The following DPP10 variants were observed in gnomAD, a reference collection of about 807,000 sequenced individuals.
The protein encoded by DPP10 is inactive dipeptidyl peptidase 10.
Under a neutral mutation model 120.9 loss-of-function variants are expected in DPP10, and 33 were observed. That is an observed-to-expected ratio of 0.27 (90% CI 0.21 to 0.37). The LOEUF is 0.37. Among genes scored for constraint, DPP10 ranks in the 10% least tolerant of loss-of-function variants. The pLI, the probability that DPP10 is intolerant of heterozygous loss-of-function variation, is 1.00. For synonymous variants in DPP10, 337 were observed against 326.1 expected, an observed-to-expected ratio of 1.03 and a Z score of -0.36; for missense variants, 816 against 942.8, an observed-to-expected ratio of 0.87 and a Z score of 1.76.
At chr2:114,822,744 G>A (rs189170774) in intron 1 of DPP10, among the ~76,000 whole-genome samples, 126 of 152,178 alleles carry the variant, frequency 8.3e-4, no homozygotes, top group Middle Eastern at 6.8e-3. Flanking sequence ...TCTTCTGCCA[G>A]ATACTCTAAA....
chr2:114,629,976 T>C (rs952085652), intron 1 of DPP10, among the ~76,000 whole-genome samples: 6 of 152,104 alleles, frequency 3.9e-5, no homozygotes, highest in African/African-American at 7.2e-5. Context: ...TTAATAAATA[T>C]ACAGTGTTAA....
intron 1 of DPP10, among the ~76,000 whole-genome samples, chr2:115,177,786 CAG>C (rs1458808094): frequency 5.0e-5 from 5 of 99,086 alleles, no homozygotes; most frequent in African/African-American, 8.3e-5. Flanking sequence ...TTGTTTGAGA[CAG>C]AGTCTTGCTC....
intron 1 of DPP10, among the ~76,000 whole-genome samples, chr2:114,497,829 G>A (rs1426154281): frequency 1.3e-5 from 2 of 152,088 alleles, no homozygotes; most frequent in African/African-American, 4.8e-5. Context: ...AAAAGTACAG[G>A]CACCCAACAA....
chr2:115,341,274 AATAG>A (rs1335318771), intron 2 of DPP10, among the ~76,000 whole-genome samples: 2 of 151,724 alleles, frequency 1.3e-5, no homozygotes, highest in Non-Finnish European at 2.9e-5. Context: ...TTTTTTTTAT[AATAG>A]ATTATTTTTC....
Position 115,780,774 on chromosome 2 carries a change from T to A in DPP10, c.1362-100T>A, listed in dbSNP as rs968892559. Reference sequence around the variant, plus strand: ...CAGTGAACCTCTATGCAAGCACCGATGTAACTCCCTTGTTTATATTATATT... The same window carrying A: ...CAGTGAACCTCTATGCAAGCACCGAAGTAACTCCCTTGTTTATATTATATT... On this transcript the variant is annotated intron_variant, in intron 15 of 25. Coordinates refer to ENST00000410059, the MANE Select transcript of DPP10 (RefSeq NM_020868.6). The A allele has an allele frequency of 3.5e-6, 4 of 1,142,812 alleles. No individual in the cohort carries two copies. In the South Asian group the frequency reaches 8.7e-5, roughly 25 times the overall value. The allele number at this position is 1,142,812 out of a possible 1,614,324, so 70.8% of individuals were successfully genotyped here.
At chr2:115,576,475 T>G (rs1337092616) in intron 5 of DPP10, among the ~76,000 whole-genome samples, 1 of 152,208 alleles carries the variant, frequency 6.6e-6, no homozygotes, top group East Asian at 1.9e-4. Context: ...GATAGTCTTA[T>G]GAAAATTGCT....
rs368026077 is a variant in DPP10, at chr2:115,206,179, G to A, written c.61-103060G>A. On this transcript the variant is annotated intron_variant, in intron 1 of 25. Coordinates refer to ENST00000410059, the MANE Select transcript of DPP10 (RefSeq NM_020868.6). ...TATGAACATACACCTATTTCCTTAC[G>A]GACTATGAGGACAAGAAAATGGTGT... 5.3e-5 allele frequency among the ~76,000 whole-genome samples: 8 copies of A among 151,974 alleles called. No homozygotes were observed. The East Asian group carries it at 9.7e-4, about 18-fold the overall frequency.
chr2:115,380,146 G>T (rs1209483711), intron 3 of DPP10, among the ~76,000 whole-genome samples: 1 of 152,196 alleles, frequency 6.6e-6, no homozygotes, highest in African/African-American at 2.4e-5. Context: ...AATGTTGACA[G>T]TGGGGTGTTA....
chr2:115,029,665 T>C (rs1703708114), intron 1 of DPP10, among the ~76,000 whole-genome samples: 1 of 152,194 alleles, frequency 6.6e-6, no homozygotes, highest in Non-Finnish European at 1.5e-5. Flanking sequence ...AGATTATTTG[T>C]AATTTTTGAA....
chr2:115,166,201 A>G (rs1447821725), intron 1 of DPP10, among the ~76,000 whole-genome samples: 1 of 152,150 alleles, frequency 6.6e-6, no homozygotes, highest in African/African-American at 2.4e-5. Flanking sequence ...TTATTCTTCC[A>G]TGTGCCCTTT....
At chr2:115,739,657 T>G in intron 8 of DPP10, 82 bp from the exon 9 acceptor site, 6 of 1,411,234 alleles carry the variant, frequency 4.3e-6, no homozygotes, top group South Asian at 1.2e-5. Context: ...AGGTGTACAA[T>G]GGAGATTTCA....
At chr2:114,859,590 T>A (rs1404615627) in intron 1 of DPP10, among the ~76,000 whole-genome samples, 1 of 152,198 alleles carries the variant, frequency 6.6e-6, no homozygotes, top group Non-Finnish European at 1.5e-5. Context: ...TATATTTGAT[T>A]TGAAATGGGA....
intron 3 of DPP10, among the ~76,000 whole-genome samples, chr2:115,467,391 A>G (rs952834007): frequency 2.0e-5 from 3 of 152,038 alleles, no homozygotes. Flanking sequence ...AGCCTGGCCA[A>G]TATGGTGAAA....
intron 11 of DPP10, 97 bp downstream of exon 11, chr2:115,753,394 GT>G: frequency 8.4e-7 from 1 of 1,195,620 alleles, no homozygotes; most frequent in Non-Finnish European, 1.1e-6. Flanking sequence ...AAAAAATTCA[GT>G]GTTTAACTTT....
chr2:115,763,718 T>TA (rs1680377453), intron 12 of DPP10, among the ~76,000 whole-genome samples: 3 of 152,144 alleles, frequency 2.0e-5, no homozygotes, highest in Non-Finnish European at 4.4e-5. Context: ...CTTTTTAAAA[T>TA]ATGCATTTAA....
At chr2:114,841,068 A>T (rs1035404636) in intron 1 of DPP10, among the ~76,000 whole-genome samples, 1 of 152,180 alleles carries the variant, frequency 6.6e-6, no homozygotes, top group South Asian at 2.1e-4. Context: ...TTCAACAGAA[A>T]TTTTTGAATA....
intron 5 of DPP10, among the ~76,000 whole-genome samples, chr2:115,558,123 A>G (rs1422209054): frequency 1.3e-5 from 2 of 152,092 alleles, no homozygotes; most frequent in African/African-American, 2.4e-5. Context: ...TACTTGTCCT[A>G]TTTCACCCTG....
At chr2:114,620,862 A>G (rs1694042892) in intron 1 of DPP10, among the ~76,000 whole-genome samples, 1 of 152,164 alleles carries the variant, frequency 6.6e-6, no homozygotes, top group Non-Finnish European at 1.5e-5. Flanking sequence ...ATCTGTGTAT[A>G]GCTTAGAAGC....
intron 19 of DPP10, among the ~76,000 whole-genome samples, chr2:115,795,489 C>A (rs1223583940): frequency 6.6e-6 from 1 of 152,124 alleles, no homozygotes; most frequent in African/African-American, 2.4e-5. Context: ...TCTTATCTTC[C>A]TGGAGCTTTC....
Sources: gnomAD v4.1 joint callset for allele counts (sites outside exome capture counted in the v4.1 genomes callset) on GRCh38, gnomAD v4.1.1 for gene constraint, MANE v1.5 for transcripts, NCBI Gene and HGNC (gene_info 2026-07-23, HGNC 2026-07-21) for gene names.